SAMTOR: variants seen among roughly 807,000 people sequenced by gnomAD.
The protein encoded by SAMTOR is S-adenosylmethionine sensor upstream of mTORC1, also known as UPF0532 protein C7orf60.
At chr7:112,853,084 T>A in the SAMTOR span, among the ~76,000 whole-genome samples, 10 of 152,206 alleles carry the variant, frequency 6.6e-5, no homozygotes, top group Non-Finnish European at 1.2e-4. Context: ...AAAAAGTTTA[T>A]TTCTGTTATG....
the SAMTOR span, among the ~76,000 whole-genome samples, chr7:112,927,634 G>C: frequency 1.3e-5 from 2 of 151,952 alleles, no homozygotes; most frequent in Non-Finnish European, 2.9e-5. Context: ...CAAGGGGAAA[G>C]GGAGGCGTGG....
chr7:112,842,830 A>T, the SAMTOR span, among the ~76,000 whole-genome samples: 2 of 152,012 alleles, frequency 1.3e-5, no homozygotes. Context: ...AAAAAAGGCT[A>T]GAGGGCCAAT....
At chr7:112,916,319 T>C in the SAMTOR span, among the ~76,000 whole-genome samples, 1 of 152,156 alleles carries the variant, frequency 6.6e-6, no homozygotes. Flanking sequence ...GCAACTGTAA[T>C]GGTAATAGAG....
At chr7:112,862,658 G>A in the SAMTOR span, among the ~76,000 whole-genome samples, 2 of 152,166 alleles carry the variant, frequency 1.3e-5, no homozygotes, top group Non-Finnish European at 2.9e-5. Context: ...GCTGGATATG[G>A]TGGCTCATGC....
the SAMTOR span, among the ~76,000 whole-genome samples, chr7:112,852,880 CAG>C: frequency 2.0e-5 from 3 of 151,566 alleles, no homozygotes; most frequent in South Asian, 6.3e-4. Flanking sequence ...GATAATGAAC[CAG>C]AGTTTCTTTC....
At chr7:112,919,576 G>A in the SAMTOR span, among the ~76,000 whole-genome samples, 66 of 152,268 alleles carry the variant, frequency 4.3e-4, no homozygotes, top group African/African-American at 1.5e-3. Context: ...AAAGCTAGCA[G>A]AAGGCAAGAA....
At chr7:112,895,761 T>A in the SAMTOR span, 1 of 1,469,972 alleles carries the variant, frequency 6.8e-7, no homozygotes, top group South Asian at 1.4e-5. Context: ...AATAAAGTTG[T>A]ATTTTAACAT....
the SAMTOR span, among the ~76,000 whole-genome samples, chr7:112,839,418 ACT>A: frequency 6.6e-6 from 1 of 151,918 alleles, no homozygotes; most frequent in African/African-American, 2.4e-5. Flanking sequence ...TGCTAAAGCC[ACT>A]GGTGAAAACA....
chr7:112,923,505 C>A, the SAMTOR span, among the ~76,000 whole-genome samples: 5 of 151,224 alleles, frequency 3.3e-5, no homozygotes, highest in African/African-American at 7.3e-5. Context: ...AATAAATACT[C>A]AAAAACAAAA....
the SAMTOR span, among the ~76,000 whole-genome samples, chr7:112,887,954 C>G: frequency 6.6e-6 from 1 of 151,938 alleles, no homozygotes; most frequent in African/African-American, 2.4e-5. Flanking sequence ...AATTTCTGTT[C>G]TAATTTTTCT....
the SAMTOR span, among the ~76,000 whole-genome samples, chr7:112,899,753 A>C: frequency 2.0e-5 from 3 of 147,440 alleles, no homozygotes; most frequent in Admixed American, 1.4e-4. Context: ...CTTACAGGCC[A>C]AGAGGGAATG....
the SAMTOR span, among the ~76,000 whole-genome samples, chr7:112,925,878 G>A: frequency 6.6e-6 from 1 of 152,106 alleles, no homozygotes; most frequent in South Asian, 2.1e-4. Flanking sequence ...GGAAACAGGA[G>A]TAAGGAAGTA....
chr7:112,885,259 T>G, the SAMTOR span, among the ~76,000 whole-genome samples: 1 of 152,142 alleles, frequency 6.6e-6, no homozygotes, highest in Non-Finnish European at 1.5e-5. Flanking sequence ...ATCTCTGATG[T>G]GCCCTGGAGG....
chr7:112,838,952 G>C, the SAMTOR span, among the ~76,000 whole-genome samples: 7 of 151,580 alleles, frequency 4.6e-5, no homozygotes, highest in African/African-American at 1.7e-4. Context: ...GGTTTCATAA[G>C]AAAGGATGTC....
the SAMTOR span, chr7:112,895,739 A>G: frequency 1.7e-5 from 25 of 1,499,238 alleles, no homozygotes; most frequent in African/African-American, 3.0e-4. Flanking sequence ...CTCTGCATAC[A>G]CTACAAGTAA....
chr7:112,936,928 T>C, the SAMTOR span, among the ~76,000 whole-genome samples: 2 of 152,284 alleles, frequency 1.3e-5, no homozygotes, highest in East Asian at 3.9e-4. Flanking sequence ...TTGGAGTCAC[T>C]AATATTAGGT....
chr7:112,916,997 G>A, the SAMTOR span, among the ~76,000 whole-genome samples: 1 of 152,208 alleles, frequency 6.6e-6, no homozygotes, highest in East Asian at 1.9e-4. Context: ...GCCTGCCTCT[G>A]TAGGCTCCAC....
the SAMTOR span, among the ~76,000 whole-genome samples, chr7:112,914,531 C>T: frequency 6.6e-6 from 1 of 151,932 alleles, no homozygotes; most frequent in Non-Finnish European, 1.5e-5. Context: ...GAATCAATAT[C>T]ATGAGAAAAT....
At chr7:112,937,386 C>T in the SAMTOR span, among the ~76,000 whole-genome samples, 2 of 152,034 alleles carry the variant, frequency 1.3e-5, no homozygotes, top group Non-Finnish European at 1.5e-5. Flanking sequence ...ACTGATCTAG[C>T]ACTTAAGCAA....
Sources: allele counts gnomAD v4.1 joint callset (sites outside exome capture counted in the v4.1 genomes callset), GRCh38; gene constraint gnomAD v4.1.1; transcripts MANE v1.5; gene names NCBI Gene and HGNC (gene_info 2026-07-23, HGNC 2026-07-21).